SLC44A5: variants seen among roughly 807,000 people sequenced by gnomAD.
The protein encoded by SLC44A5 is choline transporter-like protein 5.
In SLC44A5, 57 loss-of-function variants were observed where a neutral mutation model predicts 101.8. That is an observed-to-expected ratio of 0.56 (90% CI 0.45 to 0.70). The LOEUF (loss-of-function observed/expected upper bound fraction) is 0.70. SLC44A5 is among the 30% of genes least tolerant of loss of function. The probability of loss-of-function intolerance (pLI) is 0.00; values close to 1 mark genes in which losing one functional copy is unlikely to be tolerated. For missense variants in SLC44A5, 737 were observed against 853.1 expected (o/e 0.86, Z 1.70); for synonymous variants, 281 against 290.9 (o/e 0.97, Z 0.35).
At chr1:75,376,209 G>A (rs1048683208) in intron 3 of SLC44A5, among the ~76,000 whole-genome samples, 1 of 152,240 alleles carries the variant, frequency 6.6e-6, no homozygotes, top group Non-Finnish European at 1.5e-5. Flanking sequence ...CTCGCTGATT[G>A]CTAGCACAGC....
chr1:75,215,863 A>G lies in SLC44A5; in HGVS notation c.1625-6T>C. The G allele has an allele frequency of 1.4e-6, 2 of 1,430,070 alleles. No homozygotes were observed. Among genetic ancestry groups the G allele is most frequent in the Non-Finnish European group, 2.0e-6 (2 of 1,016,436 alleles). 88.6% of individuals were successfully genotyped at this position (1,430,070 alleles called of 1,614,324 possible). On this transcript the variant is annotated splice_region_variant and splice_polypyrimidine_tract_variant and intron_variant, in intron 18 of 23. Coordinates refer to ENST00000370859, the MANE Select transcript of SLC44A5 (RefSeq NM_001130058.2). Reference sequence around the variant, plus strand: ...AGACAATGTGTTCTGGGTACCTATGAGAAGGAGATATTTAAATCTATTAAT... The same window carrying G: ...AGACAATGTGTTCTGGGTACCTATGGGAAGGAGATATTTAAATCTATTAAT...
At chr1:75,608,331 A>G (rs544597375) in intron 1 of SLC44A5, among the ~76,000 whole-genome samples, 83 of 148,682 alleles carry the variant, frequency 5.6e-4, no homozygotes, top group African/African-American at 1.9e-3. Context: ...TGTGAGGGGT[A>G]TGTGTGTGTG....
At chr1:75,385,386 AT>A (rs1233948721) in intron 3 of SLC44A5, among the ~76,000 whole-genome samples, 9 of 152,100 alleles carry the variant, frequency 5.9e-5, no homozygotes, top group African/African-American at 1.9e-4. Flanking sequence ...ATCGCCACCA[AT>A]CCCACAGAAA....
chr1:75,502,682 C>G (rs1669029286), intron 2 of SLC44A5, among the ~76,000 whole-genome samples: 1 of 151,256 alleles, frequency 6.6e-6, no homozygotes, highest in South Asian at 2.1e-4. Flanking sequence ...TTAGGTATAT[C>G]TCCTAATGCT....
At chr1:75,603,624 C>T (rs891682122) in intron 1 of SLC44A5, among the ~76,000 whole-genome samples, 1 of 152,066 alleles carries the variant, frequency 6.6e-6, no homozygotes, top group African/African-American at 2.4e-5. Context: ...TAAGCATTCC[C>T]ATTTCTCTGC....
chr1:75,569,180 C>A (rs1672937498), intron 1 of SLC44A5, among the ~76,000 whole-genome samples: 1 of 151,908 alleles, frequency 6.6e-6, no homozygotes, highest in East Asian at 1.9e-4. Context: ...TCATCCCTAA[C>A]CACCCATCTT....
intron 2 of SLC44A5, among the ~76,000 whole-genome samples, chr1:75,533,105 CCTGCTCAAGTT>C (rs1230051313): frequency 1.3e-5 from 2 of 152,108 alleles, no homozygotes; most frequent in African/African-American, 4.8e-5. Context: ...CATTGTAGAC[CCTGCTCAAGTT>C]CTGCCTTTTC....
the SLC44A5 span, among the ~76,000 whole-genome samples, chr1:75,638,177 C>T: frequency 2.6e-5 from 4 of 151,904 alleles, no homozygotes; most frequent in Non-Finnish European, 5.9e-5. Context: ...AATATGACAT[C>T]ATTTATTGTC....
chr1:75,699,304 C>T, the SLC44A5 span, among the ~76,000 whole-genome samples: 2 of 152,128 alleles, frequency 1.3e-5, no homozygotes, highest in Admixed American at 6.5e-5. Flanking sequence ...CAGCGGATCT[C>T]TCGGCAGAAA....
intron 6 of SLC44A5, among the ~76,000 whole-genome samples, chr1:75,273,157 A>T (rs1053041423): frequency 7.9e-5 from 12 of 151,978 alleles, no homozygotes; most frequent in African/African-American, 2.9e-4. Context: ...TGTGAAAGGA[A>T]TTGAGTTCTT....
rs186034881 is a variant in SLC44A5, at chr1:75,286,355, G to A, written c.176-11313C>T. ...TTCCACCCCTTTACCTTAAGTTCAT[G>A]TGAGTCCTTATCTGTCAGGTGAGTC... is the stretch of plus-strand genomic sequence containing the variant. On this transcript the variant is annotated intron_variant, in intron 5 of 23. Coordinates refer to ENST00000370859, the MANE Select transcript of SLC44A5 (RefSeq NM_001130058.2). Among the ~76,000 whole-genome samples, 32 of 152,146 alleles carry A rather than the reference G, an allele frequency of 2.1e-4. No individual in the cohort carries two copies. The East Asian group carries it at 5.2e-3, about 25-fold the overall frequency.
chr1:75,552,811 A>G, intron 1 of SLC44A5, among the ~76,000 whole-genome samples: 1 of 152,228 alleles, frequency 6.6e-6, no homozygotes, highest in Non-Finnish European at 1.5e-5. Context: ...TTTTGGTGGC[A>G]TACTTTCTAG....
intron 23 of SLC44A5, chr1:75,204,648 TAAC>T (rs1377396795): frequency 6.6e-6 from 1 of 150,868 alleles, no homozygotes; most frequent in African/African-American, 2.5e-5. Context: ...CACACTTGGC[TAAC>T]TTTTATATTT....
At chr1:75,672,639 G>T in the SLC44A5 span, among the ~76,000 whole-genome samples, 1 of 152,180 alleles carries the variant, frequency 6.6e-6, no homozygotes, top group Non-Finnish European at 1.5e-5. Context: ...AGGAGTGCTT[G>T]CATGACCCCT....
At chr1:75,204,645 G>A (rs1439521461) in intron 23 of SLC44A5, 2 of 151,160 alleles carry the variant, frequency 1.3e-5, no homozygotes, top group Non-Finnish European at 2.9e-5. Flanking sequence ...CACCACACTT[G>A]GCTAACTTTT....
the SLC44A5 span, among the ~76,000 whole-genome samples, chr1:75,693,226 T>C: frequency 6.6e-6 from 1 of 152,206 alleles, no homozygotes; most frequent in African/African-American, 2.4e-5. Context: ...GCCATGTGAA[T>C]TCATTCAGTT....
At chr1:75,663,757 A>G in the SLC44A5 span, among the ~76,000 whole-genome samples, 2 of 152,186 alleles carry the variant, frequency 1.3e-5, no homozygotes, top group Non-Finnish European at 2.9e-5. Context: ...TATTCTTAAA[A>G]ATAGAAACTA....
At chr1:75,234,134 G>T in intron 11 of SLC44A5, 36 bp from the exon 12 acceptor site, 1 of 1,451,954 alleles carries the variant, frequency 6.9e-7, no homozygotes, top group Non-Finnish European at 9.7e-7. Flanking sequence ...GTGGTCAAGT[G>T]TGCTAAACAC....
At position 75,501,412 on chromosome 1, in the gene SLC44A5, A is replaced by G. The variant is rs919971505; in HGVS notation, c.13+40023T>C. ...AAATCAGATATTTCTTTGTCAACAG[A>G]GATTGTTACTACATTCCCATAATTT... On this transcript the variant is annotated intron_variant, in intron 2 of 23. Transcript: ENST00000370859. Among the ~76,000 whole-genome samples, 23 of 152,212 alleles carry G rather than the reference A, an allele frequency of 1.5e-4. 1 individual carries two copies. The highest frequency in any genetic ancestry group is 1.5e-5 in the Non-Finnish European group (1 of 68,044).
Sources: allele counts gnomAD v4.1 joint callset (sites outside exome capture counted in the v4.1 genomes callset), GRCh38; gene constraint gnomAD v4.1.1; transcripts MANE v1.5; gene names NCBI Gene and HGNC (gene_info 2026-07-23, HGNC 2026-07-21).